Variants in PPARGC1A observed in about 807,000 individuals in gnomAD.
PPARGC1A encodes the protein peroxisome proliferator-activated receptor gamma coactivator 1-alpha.
In PPARGC1A, 25 loss-of-function variants were observed where a neutral mutation model predicts 88.7. That is an observed-to-expected ratio of 0.28 (90% CI 0.21 to 0.39). PPARGC1A has a LOEUF of 0.39. PPARGC1A is among the 10% of genes least tolerant of loss of function. PPARGC1A has a pLI of 1.00. For synonymous variants in PPARGC1A, 363 were observed against 355.6 expected, an observed-to-expected ratio of 1.02 and a Z score of -0.24; for missense variants, 880 against 968.7, an observed-to-expected ratio of 0.91 and a Z score of 1.22.
the PPARGC1A span, among the ~76,000 whole-genome samples, chr4:24,302,320 G>A: frequency 6.6e-6 from 1 of 152,198 alleles, no homozygotes; most frequent in Non-Finnish European, 1.5e-5. Flanking sequence ...TATTTGCAGA[G>A]GAGAGCTGCA....
chr4:24,360,289 A>C, the PPARGC1A span, among the ~76,000 whole-genome samples: 2 of 152,070 alleles, frequency 1.3e-5, no homozygotes. Context: ...CTTCTCACTC[A>C]ACCATTTTAT....
chr4:23,917,992 G>T, the PPARGC1A span, among the ~76,000 whole-genome samples: 1 of 152,162 alleles, frequency 6.6e-6, no homozygotes, highest in Admixed American at 6.5e-5. Context: ...GATGTAGTAG[G>T]TCCATTGAGA....
At chr4:24,245,925 G>GTGCACACACA in the PPARGC1A span, among the ~76,000 whole-genome samples, 1 of 148,384 alleles carries the variant, frequency 6.7e-6, no homozygotes, top group African/African-American at 2.5e-5. Context: ...AAAGCCATGT[G>GTGCACACACA]CACACACACA....
At chr4:23,972,485 A>C in the PPARGC1A span, among the ~76,000 whole-genome samples, 1 of 152,320 alleles carries the variant, frequency 6.6e-6, no homozygotes, top group Admixed American at 6.5e-5. Flanking sequence ...CCATAGTTTA[A>C]CACGTCCTTG....
At chr4:24,039,160 A>T in the PPARGC1A span, among the ~76,000 whole-genome samples, 4,828 of 152,260 alleles carry the variant, frequency 0.032, 161 homozygotes, top group South Asian at 0.083. Context: ...AATCCCAAGT[A>T]ATTTATTCGC....
At chr4:24,203,701 A>G in the PPARGC1A span, among the ~76,000 whole-genome samples, 1 of 152,262 alleles carries the variant, frequency 6.6e-6, no homozygotes, top group Non-Finnish European at 1.5e-5. Flanking sequence ...GGGCGAGGCA[A>G]TGATGAACCC....
the PPARGC1A span, among the ~76,000 whole-genome samples, chr4:23,912,308 G>T: frequency 3.6e-3 from 555 of 152,208 alleles, no homozygotes; most frequent in African/African-American, 0.013. Flanking sequence ...CCTAAGGAAA[G>T]GTACCAAGGC....
intron 2 of PPARGC1A, chr4:23,877,691 C>A (rs1397461678): frequency 6.6e-6 from 1 of 151,888 alleles, no homozygotes; most frequent in African/African-American, 2.4e-5. Context: ...AGAATAGGCA[C>A]ATAATTATAG....
At chr4:23,975,064 A>G in the PPARGC1A span, among the ~76,000 whole-genome samples, 1 of 151,930 alleles carries the variant, frequency 6.6e-6, no homozygotes, top group Non-Finnish European at 1.5e-5. Flanking sequence ...AGAGGTTATA[A>G]TGCAAACAGC....
chr4:24,247,780 A>G, the PPARGC1A span, among the ~76,000 whole-genome samples: 2 of 152,268 alleles, frequency 1.3e-5, no homozygotes, highest in East Asian at 3.9e-4. Context: ...CATTTCACCT[A>G]CCATAGAGTT....
the PPARGC1A span, among the ~76,000 whole-genome samples, chr4:24,202,419 A>G: frequency 6.6e-6 from 1 of 152,072 alleles, no homozygotes; most frequent in Non-Finnish European, 1.5e-5. Flanking sequence ...AGCCAGGCAC[A>G]TGCAAAGTTC....
the PPARGC1A span, among the ~76,000 whole-genome samples, chr4:23,933,484 T>G: frequency 6.6e-6 from 1 of 152,094 alleles, no homozygotes; most frequent in African/African-American, 2.4e-5. Flanking sequence ...CTCATACCAG[T>G]AGGAGGATTG....
chr4:24,384,558 C>CAAAAAAAAAAAA, the PPARGC1A span, among the ~76,000 whole-genome samples: 1 of 53,964 alleles, frequency 1.9e-5, no homozygotes, highest in Non-Finnish European at 4.3e-5. Flanking sequence ...AAATGGAAAG[C>CAAAAAAAAAAAA]AAAAAAAAAA....
In PPARGC1A at chr4:23,794,270, A is replaced by C. The variant is rs1717128229; in HGVS notation, c.*1552T>G. Reference sequence around the variant, plus strand: ...ATGGTTACCCATTGAGAGACTTTACATAAAATCATGATATCTTCTAGAAAA... The same window carrying C: ...ATGGTTACCCATTGAGAGACTTTACCTAAAATCATGATATCTTCTAGAAAA... On this transcript the variant is annotated 3_prime_UTR_variant, in exon 13 of 13. Coordinates refer to ENST00000264867, the MANE Select transcript of PPARGC1A (RefSeq NM_013261.5). 1 of 152,632 alleles carries C rather than the reference A, an allele frequency of 6.6e-6. No individual in the cohort carries two copies. Among genetic ancestry groups the C allele is most frequent in the Non-Finnish European group, 1.5e-5 (1 of 68,036 alleles). The allele number at this position is 152,632 out of a possible 1,614,324, so 9.5% of individuals were successfully genotyped here. A position where few individuals can be genotyped will look rare whatever the true frequency, so the allele number is the denominator to read the frequency against.
At chr4:24,032,981 T>A in the PPARGC1A span, among the ~76,000 whole-genome samples, 1 of 152,200 alleles carries the variant, frequency 6.6e-6, no homozygotes, top group Non-Finnish European at 1.5e-5. Context: ...GAGAAAATCC[T>A]AGGAGCACTG....
the PPARGC1A span, among the ~76,000 whole-genome samples, chr4:24,158,491 C>T: frequency 2.0e-5 from 3 of 152,274 alleles, no homozygotes; most frequent in East Asian, 1.9e-4. Flanking sequence ...CTTTTAAAAT[C>T]GCTCACTTCC....
At chr4:24,445,280 G>C in the PPARGC1A span, among the ~76,000 whole-genome samples, 1 of 152,196 alleles carries the variant, frequency 6.6e-6, no homozygotes, top group Admixed American at 6.5e-5. Flanking sequence ...TCTCAAGACT[G>C]ATTGTTTTTC....
intron 10 of PPARGC1A, among the ~76,000 whole-genome samples, chr4:23,809,578 C>G (rs1720490545): frequency 6.6e-6 from 1 of 151,988 alleles, no homozygotes; most frequent in African/African-American, 2.4e-5. Flanking sequence ...GTAAAATTTT[C>G]TAAGAGCCAC....
the PPARGC1A span, among the ~76,000 whole-genome samples, chr4:24,084,915 A>G: frequency 6.6e-6 from 1 of 152,084 alleles, no homozygotes; most frequent in Non-Finnish European, 1.5e-5. Flanking sequence ...CTGTGATCCA[A>G]CTCTCTCTTG....
Sources: gnomAD v4.1 joint callset for allele counts (sites outside exome capture counted in the v4.1 genomes callset) on GRCh38, gnomAD v4.1.1 for gene constraint, MANE v1.5 for transcripts, NCBI Gene and HGNC (gene_info 2026-07-23, HGNC 2026-07-21) for gene names.